Variants in PIEZO2 observed in about 807,000 individuals in gnomAD.
The protein encoded by PIEZO2 is piezo type mechanosensitive ion channel component 2.
A neutral mutation model predicts 337.3 loss-of-function variants in PIEZO2; 172 were observed. That is an observed-to-expected ratio of 0.51 (90% CI 0.45 to 0.58). The LOEUF (loss-of-function observed/expected upper bound fraction) is 0.58, where lower values mean the gene tolerates loss of function less well. Ranked by LOEUF, PIEZO2 falls within the 20% of genes least tolerant of loss-of-function variation. The probability of loss-of-function intolerance (pLI) is 0.00; values close to 1 mark genes in which losing one functional copy is unlikely to be tolerated. For missense variants in PIEZO2, 3,028 were observed against 3,391.3 expected (o/e 0.89, Z 2.66); for synonymous variants, 1,251 against 1,228.5 (o/e 1.02, Z -0.38).
At chr18:11,046,010 T>G (rs1344114630) in intron 2 of PIEZO2, among the ~76,000 whole-genome samples, 1 of 152,148 alleles carries the variant, frequency 6.6e-6, no homozygotes, top group Non-Finnish European at 1.5e-5. Flanking sequence ...TGTTAGGGTG[T>G]TCCACAGAAG....
intron 2 of PIEZO2, among the ~76,000 whole-genome samples, chr18:11,050,168 G>A (rs1306664351): frequency 6.6e-6 from 1 of 151,900 alleles, no homozygotes; most frequent in African/African-American, 2.4e-5. Flanking sequence ...TCAAGAAACA[G>A]GCGTCTAATT....
At chr18:10,956,708 C>A (rs140746292) in intron 3 of PIEZO2, among the ~76,000 whole-genome samples, 1 of 152,320 alleles carries the variant, frequency 6.6e-6, no homozygotes, top group East Asian at 1.9e-4. Flanking sequence ...CAGTGGCTCA[C>A]GCCTATAATC....
intron 21 of PIEZO2, among the ~76,000 whole-genome samples, chr18:10,764,883 C>T (rs959213958): frequency 2.6e-5 from 4 of 152,212 alleles, no homozygotes; most frequent in African/African-American, 7.2e-5. Flanking sequence ...TTGACTCTTC[C>T]TCCATAGTCA....
chr18:10,967,141 C>T lies in PIEZO2; in HGVS notation c.286+12394G>A, dbSNP rs569554007. On this transcript the variant is annotated intron_variant, in intron 3 of 55. Transcript: ENST00000674853. ...CAAACAATTCACCTGCCTCAGCCTC[C>T]TGAGTAGCTGGGATTACAGGCGCAT... Among the ~76,000 whole-genome samples the T allele has an allele frequency of 1.1e-4, 16 of 151,562 alleles. 1 individual carries two copies. The South Asian group carries it at 3.4e-3, about 32-fold the overall frequency.
At chr18:10,686,861 A>T in intron 49 of PIEZO2, among the ~76,000 whole-genome samples, 1 of 152,150 alleles carries the variant, frequency 6.6e-6, no homozygotes, top group African/African-American at 2.4e-5. Context: ...TAAAGATATG[A>T]TCTTTATTCA....
chr18:10,746,218 G>C lies in PIEZO2; in HGVS notation c.4425-1987C>G, dbSNP rs1598427326. 1.3e-5 allele frequency among the ~76,000 whole-genome samples: 2 copies of C among 152,310 alleles called. No individual in the cohort carries two copies. The highest frequency in any genetic ancestry group is 4.1e-4 in the South Asian group (2 of 4,826). On this transcript the variant is annotated intron_variant, in intron 30 of 55. Coordinates refer to ENST00000674853, the MANE Select transcript of PIEZO2 (RefSeq NM_001378183.1). This position sits in a 1 kb window ranked among gnomAD's most constrained non-coding sequence, Gnocchi z 4.2. ...TGCAAACACGTCATATTACTTGCTT[G>C]TTTAAACACTGCAAGGCCTTCCTAA...
At chr18:11,023,498 T>C (rs1303450775) in intron 2 of PIEZO2, among the ~76,000 whole-genome samples, 4 of 152,206 alleles carry the variant, frequency 2.6e-5, no homozygotes, top group African/African-American at 7.2e-5. Flanking sequence ...GAGCTAGATA[T>C]GGAGTGCCGA....
intron 26 of PIEZO2, among the ~76,000 whole-genome samples, chr18:10,758,478 C>T (rs1049549030): frequency 6.6e-6 from 1 of 151,996 alleles, no homozygotes; most frequent in Admixed American, 6.5e-5. Context: ...CAGAGTCTCG[C>T]TCTGTCGCCC....
In PIEZO2 at chr18:11,127,886, T is replaced by G. The variant is rs1471218658; in HGVS notation, c.64+20639A>C. On this transcript the variant is annotated intron_variant, in intron 1 of 55. Transcript: ENST00000674853. The surrounding 1 kb of genome is among the most constrained non-coding windows in gnomAD (Gnocchi z 4.5). The stretch of plus-strand genomic sequence containing the variant: ...ATACAGATTTTGGTATCAGGAGTGG[T>G]TCTAGAGGAACAGAATATTAAGGAT... 6.6e-6 allele frequency among the ~76,000 whole-genome samples: 1 copy of G among 151,174 alleles called. No individual in the cohort carries two copies. The highest frequency in any genetic ancestry group is 1.5e-5 in the Non-Finnish European group (1 of 67,884).
rs184564087 is a variant in PIEZO2, at chr18:11,024,264, G to A, written c.160+41863C>T. On this transcript the variant is annotated intron_variant, in intron 2 of 55. Coordinates refer to ENST00000674853, the MANE Select transcript of PIEZO2 (RefSeq NM_001378183.1). ...ACTTGGCTGAAAAAAAAATCAAGTA[G>A]GCCGGGCGCGGTGGTTCACGCCTGT... is the stretch of plus-strand genomic sequence containing the variant. Among the ~76,000 whole-genome samples, 29 of 152,234 alleles carry A rather than the reference G, an allele frequency of 1.9e-4. No homozygotes were observed. The East Asian group carries it at 5.1e-3, about 27-fold the overall frequency.
At chr18:10,703,089 A>G (rs531295088) in intron 42 of PIEZO2, among the ~76,000 whole-genome samples, 2 of 152,130 alleles carry the variant, frequency 1.3e-5, no homozygotes, top group African/African-American at 4.8e-5. Context: ...CCTGACCTCA[A>G]GTGATCCTCC....
intron 3 of PIEZO2, among the ~76,000 whole-genome samples, chr18:10,922,702 A>G (rs1366053614): frequency 6.6e-6 from 1 of 152,078 alleles, no homozygotes; most frequent in Non-Finnish European, 1.5e-5. Context: ...GGGGATGGGC[A>G]GGCAGGCAGG....
intron 1 of PIEZO2, among the ~76,000 whole-genome samples, chr18:11,108,793 T>C (rs1568380732): frequency 6.6e-6 from 1 of 152,120 alleles, no homozygotes. Flanking sequence ...AGCTGGTTTG[T>C]AGCAGAGCTC....
rs2036539310 is a variant in PIEZO2, at chr18:10,726,368, C to T, written c.5029+5039G>A. On this transcript the variant is annotated intron_variant, in intron 36 of 55. Transcript: ENST00000674853. This position sits in a 1 kb window ranked among gnomAD's most constrained non-coding sequence, Gnocchi z 5.9. ...TGCCTCCCTTCGCCTTCCCCGCAGG[C>T]ACCCACTACCTGCGGGGCGGTAACA... The T allele has an allele frequency of 9.9e-6, 15 of 1,513,722 alleles. No homozygotes were observed. Among genetic ancestry groups the T allele is most frequent in the African/African-American group, 1.4e-5 (1 of 72,486 alleles). The allele number at this position is 1,513,722 out of a possible 1,614,324, so 93.8% of individuals were successfully genotyped here. A position where few individuals can be genotyped will look rare whatever the true frequency, so the allele number is the denominator to read the frequency against.
Position 10,781,842 on chromosome 18 carries a change from C to A in PIEZO2, c.2493-1476G>T, listed in dbSNP as rs1189259446. Among the ~76,000 whole-genome samples the A allele has an allele frequency of 6.6e-6, 1 of 152,000 alleles. No homozygotes were observed. Among genetic ancestry groups the A allele is most frequent in the African/African-American group, 2.4e-5 (1 of 41,402 alleles). ...ACAGTGTGGAAATCAGCTTAACGAG[C>A]GAATCGGTTATTCCTGATCTGTGGG... is the stretch of plus-strand genomic sequence containing the variant. On this transcript the variant is annotated intron_variant, in intron 17 of 55. Coordinates refer to ENST00000674853, the MANE Select transcript of PIEZO2 (RefSeq NM_001378183.1). This position sits in a 1 kb window ranked among gnomAD's most constrained non-coding sequence, Gnocchi z 4.1.
In PIEZO2 at chr18:11,096,758, T is replaced by G. The variant is rs565023021; in HGVS notation, c.65-30536A>C. Among the ~76,000 whole-genome samples the G allele has an allele frequency of 1.2e-4, 18 of 152,222 alleles. No individual in the cohort carries two copies. The highest frequency in any genetic ancestry group is 2.9e-5 in the Non-Finnish European group (2 of 68,048). On this transcript the variant is annotated intron_variant, in intron 1 of 55. Coordinates refer to ENST00000674853, the MANE Select transcript of PIEZO2 (RefSeq NM_001378183.1). The surrounding 1 kb of genome is among the most constrained non-coding windows in gnomAD (Gnocchi z 4.6). ...AGGGACAGTGAGTTGCCTAGTCGCCTACATAGCTCAGGCTGACCACACTAA... is the reference window on the plus strand; with the variant it reads ...AGGGACAGTGAGTTGCCTAGTCGCCGACATAGCTCAGGCTGACCACACTAA...
intron 1 of PIEZO2, among the ~76,000 whole-genome samples, chr18:11,084,290 GAATC>G (rs1382672353): frequency 5.3e-5 from 8 of 151,474 alleles, no homozygotes; most frequent in Non-Finnish European, 8.8e-5. Context: ...ATCCTTTGTT[GAATC>G]AATCAAATTT....
chr18:10,726,540 C>G lies in PIEZO2; in HGVS notation c.5029+4867G>C. ...TGGCGCGCTGCGCTGCTCTGCTCTG[C>G]TACACCAGCCGCCACGCTGTGCGTC... On this transcript the variant is annotated intron_variant, in intron 36 of 55. Coordinates refer to ENST00000674853, the MANE Select transcript of PIEZO2 (RefSeq NM_001378183.1). This position sits in a 1 kb window ranked among gnomAD's most constrained non-coding sequence, Gnocchi z 5.9. 2.8e-6 allele frequency: 4 copies of G among 1,432,892 alleles called. No individual in the cohort carries two copies. Among genetic ancestry groups the G allele is most frequent in the South Asian group, 2.8e-5 (2 of 71,294 alleles). 88.8% of individuals were successfully genotyped at this position (1,432,892 alleles called of 1,614,324 possible).
At position 10,727,269 on chromosome 18, in the gene PIEZO2, C is replaced by G. The variant is rs2036579118; in HGVS notation, c.5029+4138G>C. 5.2e-6 allele frequency: 1 copy of G among 191,312 alleles called. No homozygotes were observed. The highest frequency in any genetic ancestry group is 1.1e-5 in the Non-Finnish European group (1 of 94,506). The allele number at this position is 191,312 out of a possible 1,614,324, so 11.9% of individuals were successfully genotyped here. On this transcript the variant is annotated intron_variant, in intron 36 of 55. Transcript: ENST00000674853. The surrounding 1 kb of genome is among the most constrained non-coding windows in gnomAD (Gnocchi z 6.3). ...GGTGGTTTGGGAATAGAAACTTGTT[C>G]TTGCATAAGATGGCTTTGGTTGTCC...
Sources: gnomAD v4.1 joint callset for allele counts (sites outside exome capture counted in the v4.1 genomes callset) on GRCh38, gnomAD v4.1.1 for gene constraint, Gnocchi (gnomAD v3.1) non-coding constraint, MANE v1.5 for transcripts, NCBI Gene and HGNC (gene_info 2026-07-23, HGNC 2026-07-21) for gene names.